The following LAMA3 variants were observed in gnomAD, a reference collection of about 807,000 sequenced individuals.
LAMA3 encodes laminin subunit alpha-3.
Under a neutral mutation model 402.0 loss-of-function variants are expected in LAMA3, and 281 were observed. That is an observed-to-expected ratio of 0.70 (90% CI 0.63 to 0.77). The LOEUF is 0.77. Ranked by LOEUF, LAMA3 falls within the 30% of genes least tolerant of loss-of-function variation. The pLI is 0.00. For synonymous variants in LAMA3, 1,431 were observed against 1,558.4 expected (o/e 0.92, Z 1.93); for missense variants, 3,840 against 4,215.5 (o/e 0.91, Z 2.47).
rs746557126 is a variant in LAMA3, at chr18:23,713,920, G to A, written c.295G>A (p.Gly99Ser). 1.2e-6 allele frequency: 2 copies of A among 1,607,834 alleles called. No individual in the cohort carries two copies. The highest frequency in any genetic ancestry group is 8.5e-7 in the Non-Finnish European group (1 of 1,178,392). ...AAAAAACCCACTTTTTTTTTTTCAG[G>A]GCCAGTTCTGTGACTATTGCAATTC... ...TAPGSGHTIQ[G>S]QFCDYCNSED... The change falls in exon 2 of 75, where the codon GGC becomes AGC. Residue 99 changes from glycine (G) to serine (S), a missense_variant and splice_region_variant. This residue lies in a region of LAMA3 where 2,109 missense variants were observed against 2,376.0 expected (regional missense o/e 0.89). Transcript: ENST00000313654.
At chr18:23,754,665 G>C (rs1231312430) in intron 6 of LAMA3, among the ~76,000 whole-genome samples, 1 of 152,008 alleles carries the variant, frequency 6.6e-6, no homozygotes, top group East Asian at 1.9e-4. Flanking sequence ...TTTGTTTTTA[G>C]TTTGAGTATA....
chr18:23,892,247 A>C (rs1359170255), intron 42 of LAMA3, among the ~76,000 whole-genome samples: 1 of 152,184 alleles, frequency 6.6e-6, no homozygotes, highest in Non-Finnish European at 1.5e-5. Context: ...TGCCTCTGCA[A>C]CCCTCATTTC....
chr18:23,861,573 C>G, intron 34 of LAMA3, 73 bp from the exon 35 acceptor site: 1 of 1,547,424 alleles, frequency 6.5e-7, no homozygotes, highest in Non-Finnish European at 8.9e-7. Context: ...TTCTGTAGTA[C>G]ATCATGCACC....
chr18:23,830,452 C>T (rs970931355), intron 23 of LAMA3, among the ~76,000 whole-genome samples: 6 of 152,164 alleles, frequency 3.9e-5, no homozygotes, highest in Non-Finnish European at 5.9e-5. Context: ...TTTCACCTCC[C>T]ACTCCATTAA....
intron 41 of LAMA3, among the ~76,000 whole-genome samples, chr18:23,889,019 A>G (rs1485165613): frequency 1.3e-5 from 2 of 152,096 alleles, no homozygotes; most frequent in African/African-American, 4.8e-5. Context: ...TTACTATACT[A>G]TCTAGAATAA....
At chr18:23,762,152 A>G (rs1015618902) in intron 7 of LAMA3, among the ~76,000 whole-genome samples, 6 of 150,062 alleles carry the variant, frequency 4.0e-5, no homozygotes, top group African/African-American at 1.5e-4. Context: ...CATAGTTGAG[A>G]CTGTGGTGAG....
At chr18:23,891,051 G>A (rs1941511) in intron 42 of LAMA3, among the ~76,000 whole-genome samples, 12,692 of 152,248 alleles carry the variant, frequency 0.083, 1,071 homozygotes, top group African/African-American at 0.18. Flanking sequence ...GAGAAAAGGC[G>A]TACACAATTT....
At chr18:23,917,486 T>C (rs1291522367) in intron 60 of LAMA3, among the ~76,000 whole-genome samples, 1 of 152,228 alleles carries the variant, frequency 6.6e-6, no homozygotes, top group African/African-American at 2.4e-5. Context: ...CCGCCAGCAG[T>C]GTACAATCAT....
intron 11 of LAMA3, chr18:23,781,194 CT>C: frequency 2.4e-6 from 1 of 419,970 alleles, no homozygotes; most frequent in African/African-American, 2.0e-5. Flanking sequence ...AACGCCAAGA[CT>C]GTAATTCACG....
At chr18:23,770,532 C>T (rs370821256) in intron 8 of LAMA3, among the ~76,000 whole-genome samples, 2 of 152,228 alleles carry the variant, frequency 1.3e-5, no homozygotes, top group South Asian at 2.1e-4. Context: ...GAGGCTGAGG[C>T]GGGCGGATCA....
At position 23,699,681 on chromosome 18, in the gene LAMA3, C is replaced by G. The variant is rs141123395; in HGVS notation, c.294+9704C>G. Among the ~76,000 whole-genome samples, 1,310 of 152,250 alleles carry G rather than the reference C, an allele frequency of 8.6e-3. 14 individuals are homozygous for G. The highest frequency in any genetic ancestry group is 0.065 in the South Asian group (315 of 4,824). On this transcript the variant is annotated intron_variant, in intron 1 of 74. Transcript: ENST00000313654. ...TGGCCTGGCCCACATTGTAAACTTG[C>G]GTTTGCCTTGGAGCAGATGACTTAC...
intron 11 of LAMA3, 72 bp from the exon 12 acceptor site, chr18:23,783,951 C>G: frequency 6.4e-7 from 1 of 1,561,292 alleles, no homozygotes; most frequent in South Asian, 1.1e-5. Flanking sequence ...TGATAGAAAC[C>G]TAGGGGAAGG....
chr18:23,918,710 G>A lies in LAMA3; in HGVS notation c.7923+2015G>A, dbSNP rs1391196748. 6.6e-6 allele frequency among the ~76,000 whole-genome samples: 1 copy of A among 152,248 alleles called. No individual in the cohort carries two copies. Among genetic ancestry groups the A allele is most frequent in the Non-Finnish European group, 1.5e-5 (1 of 68,054 alleles). On this transcript the variant is annotated intron_variant, in intron 60 of 74. Transcript: ENST00000313654. The surrounding 1 kb of genome is among the most constrained non-coding windows in gnomAD (Gnocchi z 4.1). The stretch of plus-strand genomic sequence containing the variant: ...GAGTTGAACCCTCCGGTGAATAGGA[G>A]CTTCTGTAGTTGCTCTCACGGAGTA...
intron 8 of LAMA3, among the ~76,000 whole-genome samples, chr18:23,768,998 G>A (rs543246172): frequency 2.6e-5 from 4 of 152,294 alleles, no homozygotes; most frequent in South Asian, 2.1e-4. Context: ...AGGGGAGAGC[G>A]AAGAAGGGCG....
At chr18:23,907,705 T>G in intron 53 of LAMA3, 39 bp downstream of exon 53, 1 of 1,613,246 alleles carries the variant, frequency 6.2e-7, no homozygotes, top group Non-Finnish European at 8.5e-7. Flanking sequence ...GGTTGGCTTC[T>G]TTTGTTGAAC....
chr18:23,859,009 A>G (rs2064152466), intron 34 of LAMA3, among the ~76,000 whole-genome samples, 180 bp downstream of exon 34: 1 of 152,194 alleles, frequency 6.6e-6, no homozygotes, highest in African/African-American at 2.4e-5. Context: ...CCTATAAAAT[A>G]GCACACCTTG....
At chr18:23,693,138 G>A (rs747334368) in intron 1 of LAMA3, among the ~76,000 whole-genome samples, 8 of 152,190 alleles carry the variant, frequency 5.3e-5, no homozygotes, top group East Asian at 1.9e-4. Context: ...GAGGTTGGAC[G>A]TTCAAGACCA....
chr18:23,749,726 G>A (rs1390852718), intron 4 of LAMA3, among the ~76,000 whole-genome samples, 180 bp downstream of exon 4: 1 of 152,158 alleles, frequency 6.6e-6, no homozygotes, highest in African/African-American at 2.4e-5. Flanking sequence ...GAGCCAGGTT[G>A]GAAATTCTGT....
chr18:23,801,169 G>C (rs1159176352), intron 12 of LAMA3, among the ~76,000 whole-genome samples: 1 of 152,202 alleles, frequency 6.6e-6, no homozygotes, highest in African/African-American at 2.4e-5. Flanking sequence ...ATTATCCTAA[G>C]TAAATTAACA....
Sources: allele counts gnomAD v4.1 joint callset (sites outside exome capture counted in the v4.1 genomes callset), GRCh38; gene constraint gnomAD v4.1.1; regional missense constraint gnomAD v4.1.1; non-coding constraint Gnocchi (gnomAD v3.1); transcripts MANE v1.5; gene names NCBI Gene and HGNC (gene_info 2026-07-23, HGNC 2026-07-21).